The following DSCAM variants were observed in gnomAD, a reference collection of about 807,000 sequenced individuals.
DSCAM encodes DS cell adhesion molecule.
DSCAM carries 47 observed loss-of-function variants against 217.7 expected under a neutral mutation model. The ratio of observed to expected loss-of-function variants is 0.22; its 90% CI spans 0.17 to 0.28. DSCAM has a LOEUF of 0.28. Among genes scored for constraint, DSCAM ranks in the 10% least tolerant of loss-of-function variants. The probability of loss-of-function intolerance (pLI) is 1.00; values close to 1 mark genes in which losing one functional copy is unlikely to be tolerated. For synonymous variants in DSCAM, 1,056 were observed against 1,015.3 expected, an observed-to-expected ratio of 1.04 and a Z score of -0.76; for missense variants, 2,080 against 2,618.3, an observed-to-expected ratio of 0.79 and a Z score of 4.49.
intron 11 of DSCAM, among the ~76,000 whole-genome samples, chr21:40,264,369 A>G (rs2073494589): frequency 6.6e-6 from 1 of 152,216 alleles, no homozygotes; most frequent in African/African-American, 2.4e-5. Flanking sequence ...ATAATTCACC[A>G]TGATAATTCT....
intron 3 of DSCAM, among the ~76,000 whole-genome samples, chr21:40,502,572 C>T (rs181329912): frequency 3.2e-4 from 49 of 152,120 alleles, no homozygotes; most frequent in African/African-American, 9.9e-4. Context: ...CCAAACCCCT[C>T]GGTTCATGGT....
intron 32 of DSCAM, among the ~76,000 whole-genome samples, chr21:40,031,352 A>G (rs991302403): frequency 6.6e-5 from 10 of 152,298 alleles, no homozygotes; most frequent in African/African-American, 2.4e-4. Flanking sequence ...CGTTCACTGC[A>G]TCTCAGACAG....
At chr21:40,632,810 C>A (rs1303423294) in intron 3 of DSCAM, among the ~76,000 whole-genome samples, 2 of 152,160 alleles carry the variant, frequency 1.3e-5, no homozygotes, top group African/African-American at 4.8e-5. Flanking sequence ...AGCCCAGCGC[C>A]ACTGGAATGG....
intron 18 of DSCAM, among the ~76,000 whole-genome samples, chr21:40,137,646 T>C (rs2077637): frequency 0.12 from 5,082 of 44,096 alleles, 155 homozygotes; most frequent in African/African-American, 0.22. Flanking sequence ...CACACACACA[T>C]TAACTGAAGT....
chr21:40,345,958 A>G lies in DSCAM; in HGVS notation c.1210+1712T>C, dbSNP rs138688883. ...GGCTCTTTTGGAGATGAAAGCAGAC[A>G]TTATTTTCCCAGGGAGACCTGAGTG... On this transcript the variant is annotated intron_variant, in intron 6 of 32. Transcript: ENST00000400454. 3.9e-5 allele frequency among the ~76,000 whole-genome samples: 6 copies of G among 152,312 alleles called. No homozygotes were observed. In the East Asian group the frequency reaches 9.7e-4, roughly 25 times the overall value.
chr21:40,406,999 T>C (rs923387582), intron 3 of DSCAM, among the ~76,000 whole-genome samples: 5 of 152,038 alleles, frequency 3.3e-5, no homozygotes, highest in African/African-American at 7.2e-5. Context: ...GGTGGAGGGA[T>C]TGGAGAGATA....
chr21:40,118,116 T>C lies in DSCAM; in HGVS notation c.3696+6079A>G, dbSNP rs114047157. Among the ~76,000 whole-genome samples, 530 of 152,314 alleles carry C rather than the reference T, an allele frequency of 3.5e-3. 6 individuals are homozygous for C. Among genetic ancestry groups the C allele is most frequent in the African/African-American group, 0.012 (508 of 41,566 alleles). On this transcript the variant is annotated intron_variant, in intron 20 of 32. Transcript: ENST00000400454. ...TCTAGGTCATATTGAGAATTTTGAA[T>C]GTCTTTAGGTAAAAACTGCGAAGTC... is the stretch of plus-strand genomic sequence containing the variant.
At chr21:40,760,571 T>G (rs989087429) in intron 1 of DSCAM, among the ~76,000 whole-genome samples, 2 of 152,150 alleles carry the variant, frequency 1.3e-5, no homozygotes, top group African/African-American at 4.8e-5. Flanking sequence ...TTAACAAGCA[T>G]TCATAGCCAC....
chr21:40,258,138 T>G (rs2073399538), intron 11 of DSCAM, among the ~76,000 whole-genome samples: 1 of 152,226 alleles, frequency 6.6e-6, no homozygotes, highest in African/African-American at 2.4e-5. Flanking sequence ...GAGAAAGTAT[T>G]GTTCCTAGCA....
chr21:40,810,144 T>C (rs575850270), intron 1 of DSCAM, among the ~76,000 whole-genome samples: 16 of 152,300 alleles, frequency 1.1e-4, no homozygotes, highest in South Asian at 6.2e-4. Flanking sequence ...CTTTTCCTTG[T>C]AGTCTAAATG....
At position 40,750,507 on chromosome 21, in the gene DSCAM, A is replaced by T. The variant is rs146131693; in HGVS notation, c.44-41736T>A. On this transcript the variant is annotated intron_variant, in intron 1 of 32. Coordinates refer to ENST00000400454, the MANE Select transcript of DSCAM (RefSeq NM_001389.5). ...TTTCTTTCTTTCCCAGTCTCTTTGT[A>T]CTCACTCCCTTTCTCCCTTTGATCT... 7.3e-5 allele frequency among the ~76,000 whole-genome samples: 11 copies of T among 151,556 alleles called. No individual in the cohort carries two copies. In the East Asian group the frequency reaches 2.1e-3, roughly 30 times the overall value.
chr21:40,165,618 T>A (rs183669435), intron 16 of DSCAM, among the ~76,000 whole-genome samples: 1 of 152,346 alleles, frequency 6.6e-6, no homozygotes, highest in African/African-American at 2.4e-5. Flanking sequence ...AAGGATACAA[T>A]GCCTTTTAAA....
At chr21:40,327,717 C>T (rs2074333073) in intron 8 of DSCAM, among the ~76,000 whole-genome samples, 1 of 151,810 alleles carries the variant, frequency 6.6e-6, no homozygotes, top group Non-Finnish European at 1.5e-5. Context: ...GAGGAACATT[C>T]CTTCTGTATC....
intron 1 of DSCAM, among the ~76,000 whole-genome samples, chr21:40,775,673 C>A (rs73224253): frequency 3.9e-4 from 60 of 152,310 alleles, no homozygotes; most frequent in Non-Finnish European, 6.2e-4. Context: ...TAGGAACTTA[C>A]ACCAGCAGCT....
At position 40,649,486 on chromosome 21, in the gene DSCAM, A is replaced by G. The variant is rs201193761; in HGVS notation, c.508+43324T>C. On this transcript the variant is annotated intron_variant, in intron 3 of 32. Coordinates refer to ENST00000400454, the MANE Select transcript of DSCAM (RefSeq NM_001389.5). ...ACTACTACAGAAGAATTTAAAATAT[A>G]TATACTTTAGCAACACATTATGCCA... Among the ~76,000 whole-genome samples, 20 of 152,316 alleles carry G rather than the reference A, an allele frequency of 1.3e-4. No individual in the cohort carries two copies. In the East Asian group the frequency reaches 3.3e-3, roughly 25 times the overall value.
intron 3 of DSCAM, 36 bp from the exon 4 acceptor site, chr21:40,369,281 C>T: frequency 6.3e-7 from 1 of 1,577,874 alleles, no homozygotes; most frequent in South Asian, 1.2e-5. Flanking sequence ...GGTTAAAAGA[C>T]AATGAAAGCA....
intron 3 of DSCAM, among the ~76,000 whole-genome samples, chr21:40,498,779 GTGTATATATATATATATA>G (rs2076148033): frequency 5.7e-5 from 4 of 70,126 alleles, no homozygotes; most frequent in South Asian, 6.2e-4. Context: ...ATATATGGGT[GTGTATATATATATATATA>G]TATATATATA....
At chr21:40,153,482 C>T (rs886722155) in intron 16 of DSCAM, among the ~76,000 whole-genome samples, 5 of 152,208 alleles carry the variant, frequency 3.3e-5, no homozygotes, top group Non-Finnish European at 5.9e-5. Flanking sequence ...GGACAGAAGA[C>T]ACCCAGGAAT....
intron 3 of DSCAM, among the ~76,000 whole-genome samples, chr21:40,577,359 A>C (rs1231759301): frequency 6.6e-6 from 1 of 151,954 alleles, no homozygotes; most frequent in Non-Finnish European, 1.5e-5. Context: ...CTGAGGACTC[A>C]GATGTTGAAT....
Sources: allele counts gnomAD v4.1 joint callset (sites outside exome capture counted in the v4.1 genomes callset), GRCh38; gene constraint gnomAD v4.1.1; transcripts MANE v1.5; gene names NCBI Gene and HGNC (gene_info 2026-07-23, HGNC 2026-07-21).